The following MAMDC4 variants were observed in gnomAD, a reference collection of about 807,000 sequenced individuals.
MAMDC4 encodes apical endosomal glycoprotein.
A neutral mutation model predicts 153.3 loss-of-function variants in MAMDC4; 168 were observed. That is an observed-to-expected ratio of 1.10 (90% CI 0.97 to 1.25). The LOEUF is 1.25. Ranked by LOEUF, MAMDC4 falls within the 50% of genes most tolerant of loss-of-function variation. The pLI is 0.00. For synonymous variants in MAMDC4, 744 were observed against 651.5 expected (o/e 1.14, Z -2.16); for missense variants, 1,701 against 1,542.8 (o/e 1.10, Z -1.72).
chr9:136,859,166 C>T (rs1404313204), intron 24 of MAMDC4, 34 bp downstream of exon 24: 4 of 1,591,704 alleles, frequency 2.5e-6, no homozygotes, highest in South Asian at 1.1e-5. Context: ...GCCTCCTCCT[C>T]CTCCACCCAG....
chr9:136,858,106 A>G lies in MAMDC4; in HGVS notation c.2583+9A>G, dbSNP rs1185581369. 33 of 1,532,342 alleles carry G rather than the reference A, an allele frequency of 2.2e-5. No individual in the cohort carries two copies. The highest frequency in any genetic ancestry group is 2.9e-5 in the Non-Finnish European group (33 of 1,140,188). The allele number at this position is 1,532,342 out of a possible 1,614,324, so 94.9% of individuals were successfully genotyped here. On this transcript the variant is annotated intron_variant, in intron 20 of 26. Coordinates refer to ENST00000317446, the MANE Select transcript of MAMDC4 (RefSeq NM_206920.3). ...CCGAGCGAGCCTGGAGGGTGAGTGC[A>G]GGGTGGGGTGCCCCTCCCCCTCCCC...
rs543871080 is a variant in MAMDC4, at chr9:136,857,984, C to T, written c.2470C>T (p.Leu824=). 2.6e-6 allele frequency: 4 copies of T among 1,511,336 alleles called. No individual in the cohort carries two copies. The East Asian group carries it at 9.9e-5, about 37-fold the overall frequency. 93.6% of individuals were successfully genotyped at this position (1,511,336 alleles called of 1,614,324 possible). ...YHGSLRSPGT[L]RVYLEERGRH... ...TGGGCCGCCCCTGCTGGCAGGCACC[C>T]TGCGGGTCTACCTGGAGGAGCGCGG... The change falls in exon 20 of 27, where the codon CTG becomes TTG. Residue 824 remains leucine, a synonymous_variant. Transcript: ENST00000317446.
intron 23 of MAMDC4, 58 bp from the exon 24 acceptor site, chr9:136,858,947 G>A: frequency 1.3e-6 from 2 of 1,523,836 alleles, no homozygotes; most frequent in Non-Finnish European, 1.8e-6. Flanking sequence ...CCCGCCCCTG[G>A]TTAGGCGTGC....
intron 7 of MAMDC4, 82 bp from the exon 8 acceptor site, chr9:136,854,457 G>A: frequency 6.6e-7 from 1 of 1,524,446 alleles, no homozygotes; most frequent in Non-Finnish European, 8.8e-7. Context: ...GGGTGTGGTT[G>A]CCAGGGCCCC....
At chr9:136,855,201 C>A in intron 10 of MAMDC4, 53 bp from the exon 11 acceptor site, 1 of 1,579,340 alleles carries the variant, frequency 6.3e-7, no homozygotes, top group Non-Finnish European at 8.6e-7. Flanking sequence ...TGGACAGGGA[C>A]CAGACCCCAG....
chr9:136,855,978 T>A (rs1848998476), intron 13 of MAMDC4, 40 bp from the exon 14 acceptor site: 2 of 1,585,426 alleles, frequency 1.3e-6, no homozygotes, highest in African/African-American at 1.3e-5. Context: ...AGTGGGGCCC[T>A]GGAAGGGATG....
In MAMDC4 at chr9:136,858,403, C is replaced by A; in HGVS notation, c.2678C>A (p.Ser893Tyr). 1 of 1,602,554 alleles carries A rather than the reference C, an allele frequency of 6.2e-7. No homozygotes were observed. Among genetic ancestry groups the A allele is most frequent in the Non-Finnish European group, 8.5e-7 (1 of 1,179,842 alleles). ...LQDGPCPQPG[S>Y]CDFESGLCGW... The stretch of plus-strand genomic sequence containing the variant: ...CTCACCCACCCATGTCCTGCAGGTT[C>A]CTGTGATTTTGAGTCTGGCCTGTGT... The change falls in exon 22 of 27, where the codon TCC becomes TAC. Residue 893 changes from serine to tyrosine, a missense_variant. Physicochemically the swap from Ser to Tyr is moderately radical, Grantham distance 144. Transcript: ENST00000317446.
rs1161411484 is a variant in MAMDC4, at chr9:136,855,081, G to A, written c.1168G>A (p.Val390Ile). Reference protein sequence around the residue: ...ELGTAWVRDRVDIQSAYPFQI... With the variant: ...ELGTAWVRDRIDIQSAYPFQI... Reference sequence around the variant, plus strand: ...GGGGACCGCCTGGGTCCGAGACCGTGTTGACATCCAGAGCGCCTACCCCTT... The same window carrying A: ...GGGGACCGCCTGGGTCCGAGACCGTATTGACATCCAGAGCGCCTACCCCTT... Residue 390 changes from valine to isoleucine, a missense_variant, in exon 10 of 27, where the codon GTT (valine) becomes ATT (isoleucine). Transcript: ENST00000317446. 5 of 1,592,262 alleles carry A rather than the reference G, an allele frequency of 3.1e-6. No individual in the cohort carries two copies. Among genetic ancestry groups the A allele is most frequent in the Middle Eastern group, 2.0e-4 (1 of 4,896 alleles).
intron 14 of MAMDC4, 118 bp from the exon 15 acceptor site, chr9:136,856,592 C>T (rs1472702813): frequency 1.0e-6 from 1 of 963,960 alleles, no homozygotes; most frequent in Non-Finnish European, 1.7e-6. Context: ...GCTGCCCATC[C>T]TCACTCCCAC....
rs1257448108 is a variant in MAMDC4 at position 136,858,467 on chromosome 9, C to T, written c.2742C>T (p.Tyr914=). 7 of 1,608,988 alleles carry T rather than the reference C, an allele frequency of 4.4e-6. No individual in the cohort carries two copies. The highest frequency in any genetic ancestry group is 5.9e-6 in the Non-Finnish European group (7 of 1,179,658). ...TGGCCTGGCCCGGCCTGGGCGGATACAGCTGGGACTGGGGCGGGGGAGCCA... is the reference window on the plus strand; with the variant it reads ...TGGCCTGGCCCGGCCTGGGCGGATATAGCTGGGACTGGGGCGGGGGAGCCA... ...SHLAWPGLGG[Y]SWDWGGGATP... Residue 914 remains tyrosine, a synonymous_variant, in exon 22 of 27, where the codon TAC becomes TAT. Transcript: ENST00000317446.
chr9:136,854,843 A>G lies in MAMDC4; in HGVS notation c.1016A>G (p.Asn339Ser). The G allele has an allele frequency of 6.2e-7, 1 of 1,612,468 alleles. No individual in the cohort carries two copies. ...SPEFQASGTSNCSLVFYQYLS... is the reference protein window; with the variant it reads ...SPEFQASGTSSCSLVFYQYLS... ...GAATTCCAAGCCTCAGGCACCTCCA[A>G]CTGCTCGGTGAGATGGGTGGGGCTC... The change falls in exon 9 of 27, where the codon AAC (asparagine) becomes AGC (serine). Residue 339 changes from asparagine (N) to serine (S), a missense_variant. By Grantham distance (46) the Asn-to-Ser change is conservative. Coordinates refer to ENST00000317446, the MANE Select transcript of MAMDC4 (RefSeq NM_206920.3).
intron 22 of MAMDC4, 56 bp from the exon 23 acceptor site, chr9:136,858,663 G>C: frequency 2.5e-6 from 4 of 1,605,826 alleles, no homozygotes; most frequent in Non-Finnish European, 3.4e-6. Flanking sequence ...CCTCTGCTCG[G>C]GCCCTGAGGG....
intron 11 of MAMDC4, 39 bp downstream of exon 11, chr9:136,855,377 G>C (rs201886053): frequency 6.3e-7 from 1 of 1,599,856 alleles, no homozygotes; most frequent in Non-Finnish European, 8.5e-7. Flanking sequence ...CCTTGCCCTG[G>C]AGAGGCACAG....
At chr9:136,852,489 G>T in intron 1 of MAMDC4, 27 bp downstream of exon 1, 1 of 1,606,716 alleles carries the variant, frequency 6.2e-7, no homozygotes. Flanking sequence ...CACTCCTGAG[G>T]CAGGACCAGG....
At chr9:136,859,501 C>T (rs1756905476) in intron 25 of MAMDC4, 184 bp downstream of exon 25, 10 of 645,962 alleles carry the variant, frequency 1.5e-5, no homozygotes, top group East Asian at 2.8e-5. Context: ...CCCCTGGGGC[C>T]GCTGCCTGGG....
At chr9:136,856,491 G>A (rs1308141664) in intron 14 of MAMDC4, 2 of 785,324 alleles carry the variant, frequency 2.5e-6, no homozygotes, top group Non-Finnish European at 4.7e-6. Flanking sequence ...GGTGGACTTG[G>A]ATGGCCCTGA....
rs765905852 is a variant in MAMDC4 at position 136,859,362 on chromosome 9, G to C, written c.3193+45G>C. 7.8e-5 allele frequency: 120 copies of C among 1,537,750 alleles called. 1 individual carries two copies. The South Asian group carries it at 8.9e-4, about 11-fold the overall frequency. ...GGAGGCACGGAGGAGGGCCCAAGGG[G>C]CCAGCCTGGCTCGGGGTTTGCCAGG... On this transcript the variant is annotated intron_variant, in intron 25 of 26. Coordinates refer to ENST00000317446, the MANE Select transcript of MAMDC4 (RefSeq NM_206920.3).
In MAMDC4 at chr9:136,854,751, C is replaced by T; in HGVS notation, c.935-11C>T. On this transcript the variant is annotated splice_polypyrimidine_tract_variant and intron_variant, in intron 8 of 26. Transcript: ENST00000317446. ...CCAGTGGCCCTGGCCCACTCCCGTC[C>T]TTTCCCGCAGGCTCCTTCCTGGTCT... The T allele has an allele frequency of 6.2e-7, 1 of 1,612,738 alleles. No individual in the cohort carries two copies. The highest frequency in any genetic ancestry group is 8.5e-7 in the Non-Finnish European group (1 of 1,179,862).
chr9:136,852,611 G>T, intron 1 of MAMDC4, 149 bp downstream of exon 1: 1 of 1,010,314 alleles, frequency 9.9e-7, no homozygotes, highest in East Asian at 2.5e-5. Context: ...GGCCTGCAAG[G>T]GGGGTGACCT....
Sources: allele counts gnomAD v4.1 joint callset, GRCh38; gene constraint gnomAD v4.1.1; transcripts MANE v1.5; gene names NCBI Gene and HGNC (gene_info 2026-07-23, HGNC 2026-07-21).